Variants in GSK3B observed in about 807,000 individuals in gnomAD.
The protein encoded by GSK3B is glycogen synthase kinase-3 beta.
In GSK3B, 15 loss-of-function variants were observed where a neutral mutation model predicts 56.4. The observed-to-expected ratio is 0.27, with a 90% CI of 0.18 to 0.41. The LOEUF (loss-of-function observed/expected upper bound fraction) is 0.41, where lower values mean the gene tolerates loss of function less well. GSK3B is among the 10% of genes least tolerant of loss of function. GSK3B has a pLI of 1.00. For missense variants in GSK3B, 300 were observed against 513.4 expected, an observed-to-expected ratio of 0.58 and a Z score of 4.02; for synonymous variants, 181 against 188.9, an observed-to-expected ratio of 0.96 and a Z score of 0.34.
intron 2 of GSK3B, 91 bp downstream of exon 2, chr3:120,001,955 T>A: frequency 1.2e-6 from 1 of 832,648 alleles, no homozygotes; most frequent in Non-Finnish European, 1.8e-6. Context: ...ATAGAAGAAA[T>A]TTGAAGCAAA....
chr3:119,956,498 A>G (rs2057216326), intron 2 of GSK3B, among the ~76,000 whole-genome samples: 1 of 152,200 alleles, frequency 6.6e-6, no homozygotes, highest in Admixed American at 6.5e-5. Context: ...CCAAAATTCA[A>G]AATGCTCCAA....
At chr3:120,041,835 A>G (rs2058067124) in intron 1 of GSK3B, among the ~76,000 whole-genome samples, 1 of 152,238 alleles carries the variant, frequency 6.6e-6, no homozygotes, top group Non-Finnish European at 1.5e-5. Flanking sequence ...AGACGCTCTT[A>G]AAGAAATAGA....
intron 3 of GSK3B, among the ~76,000 whole-genome samples, chr3:119,938,288 T>C (rs2057015401): frequency 6.6e-6 from 1 of 151,980 alleles, no homozygotes; most frequent in Non-Finnish European, 1.5e-5. Context: ...AAGGCAAGCA[T>C]TACCCTATAC....
rs569941228 is a variant in GSK3B at position 119,952,949 on chromosome 3, A to G, written c.283-5598T>C. Among the ~76,000 whole-genome samples, 10 of 152,266 alleles carry G rather than the reference A, an allele frequency of 6.6e-5. No homozygotes were observed. In the South Asian group the frequency reaches 1.9e-3, roughly 28 times the overall value. ...ATATTAAATATAAATGAGAAAATAT[A>G]AAAGACTATAGATATATTTTTATTT... On this transcript the variant is annotated intron_variant, in intron 2 of 10. Coordinates refer to ENST00000264235, the MANE Select transcript of GSK3B (RefSeq NM_001146156.2).
intron 1 of GSK3B, among the ~76,000 whole-genome samples, chr3:120,073,086 C>T (rs538855856): frequency 6.6e-6 from 1 of 152,116 alleles, no homozygotes; most frequent in Non-Finnish European, 1.5e-5. Context: ...GATTCAGTTT[C>T]ATCTGTTAAA....
At chr3:120,085,133 A>G in intron 1 of GSK3B, among the ~76,000 whole-genome samples, 1 of 152,312 alleles carries the variant, frequency 6.6e-6, no homozygotes, top group Middle Eastern at 3.4e-3. Flanking sequence ...AGTAAATTAC[A>G]TTTTTTAAAA....
chr3:119,825,496 A>AAT lies in GSK3B; in HGVS notation c.*1290_*1291dup. ...GTAGACAAAAAAAAAGGCAGTATTG[A>AAT]ATATATGTATATATAACATATATAC... On this transcript the variant is annotated 3_prime_UTR_variant, in exon 11 of 11. Transcript: ENST00000264235. The AAT allele has an allele frequency of 4.4e-6, 1 of 228,030 alleles. No individual in the cohort carries two copies. Among genetic ancestry groups the AAT allele is most frequent in the Non-Finnish European group, 8.7e-6 (1 of 114,938 alleles). The allele number at this position is 228,030 out of a possible 1,614,324, so 14.1% of individuals were successfully genotyped here. A position where few individuals can be genotyped will look rare whatever the true frequency, so the allele number is the denominator to read the frequency against.
rs545306629 is a variant in GSK3B at position 119,977,166 on chromosome 3, T to A, written c.282+24880A>T. On this transcript the variant is annotated intron_variant, in intron 2 of 10. Transcript: ENST00000264235. Reference sequence around the variant, plus strand: ...TTCCCTGAAAATTCCATTAAAATTTTAAAAATGTATTTAACCTACCTAGGC... The same window carrying A: ...TTCCCTGAAAATTCCATTAAAATTTAAAAAATGTATTTAACCTACCTAGGC... Among the ~76,000 whole-genome samples the A allele has an allele frequency of 2.1e-4, 32 of 152,322 alleles. 1 individual carries two copies. Among genetic ancestry groups the A allele is most frequent in the African/African-American group, 7.0e-4 (29 of 41,578 alleles).
rs1414859698 is a variant in GSK3B, at chr3:119,940,100, GTGTGTGTGTT to G, written c.366+7158_366+7167del. ...ACAATTTTCACAGTAACAAAAGTGT[GTGTGTGTGTT>G]TGTGTGTGTGTGTGTGTGTGTGTAT... On this transcript the variant is annotated intron_variant, in intron 3 of 10. Coordinates refer to ENST00000264235, the MANE Select transcript of GSK3B (RefSeq NM_001146156.2). Among the ~76,000 whole-genome samples, 6 of 135,290 alleles carry G rather than the reference GTGTGTGTGTT, an allele frequency of 4.4e-5. No individual in the cohort carries two copies. In the East Asian group the frequency reaches 1.4e-3, roughly 32 times the overall value. 88.8% of individuals were successfully genotyped at this position (135,290 alleles called of 152,430 possible).
In GSK3B at chr3:119,905,797, A is replaced by G. The variant is rs1166690389; in HGVS notation, c.771T>C (p.Phe257=). The change falls in exon 7 of 11, where the codon TTT becomes TTC. Residue 257 remains phenylalanine (F), a synonymous_variant. Transcript: ENST00000264235. ...ACTGATCCACACCACTATCCCCTGG[A>G]AATATTGGTTGTCCTAGTAACAGCT... is the stretch of plus-strand genomic sequence containing the variant. ...LAELLLGQPI[F]PGDSGVDQLV... is the part of the protein sequence containing the mutation. 3 of 1,605,002 alleles carry G rather than the reference A, an allele frequency of 1.9e-6. No individual in the cohort carries two copies. Among genetic ancestry groups the G allele is most frequent in the Middle Eastern group, 1.7e-4 (1 of 6,052 alleles).
intron 1 of GSK3B, among the ~76,000 whole-genome samples, chr3:120,045,997 T>C (rs187007056): frequency 2.0e-5 from 3 of 152,168 alleles, no homozygotes; most frequent in Admixed American, 6.5e-5. Context: ...ACATACTGTA[T>C]GATTCCAACT....
intron 2 of GSK3B, among the ~76,000 whole-genome samples, chr3:119,960,151 CAAAAAAAAA>C (rs574956694): frequency 5.4e-5 from 4 of 74,642 alleles, no homozygotes; most frequent in Non-Finnish European, 7.4e-5. Context: ...TATGCTGAGA[CAAAAAAAAA>C]AAAAAAAAAA....
chr3:119,983,280 T>C (rs1012977472), intron 2 of GSK3B, among the ~76,000 whole-genome samples: 1 of 152,116 alleles, frequency 6.6e-6, no homozygotes, highest in Non-Finnish European at 1.5e-5. Flanking sequence ...ACTGATGCTA[T>C]GAAGAAACTG....
At chr3:119,840,298 C>T (rs1024944684) in intron 10 of GSK3B, among the ~76,000 whole-genome samples, 3 of 151,106 alleles carry the variant, frequency 2.0e-5, no homozygotes, top group Non-Finnish European at 2.9e-5. Flanking sequence ...AATCTCGGCT[C>T]ATTGCAACCT....
At chr3:120,085,216 C>T (rs1474889635) in intron 1 of GSK3B, among the ~76,000 whole-genome samples, 1 of 152,140 alleles carries the variant, frequency 6.6e-6, no homozygotes, top group African/African-American at 2.4e-5. Context: ...GCCGTTATTA[C>T]CATATATTAT....
At chr3:120,023,075 T>G (rs897817851) in intron 1 of GSK3B, among the ~76,000 whole-genome samples, 6 of 152,118 alleles carry the variant, frequency 3.9e-5, no homozygotes, top group African/African-American at 7.2e-5. Flanking sequence ...CTTTGTCATC[T>G]CCTACTGTTA....
chr3:120,069,663 TG>T (rs1356231355), intron 1 of GSK3B, among the ~76,000 whole-genome samples: 1 of 101,484 alleles, frequency 9.9e-6, no homozygotes, highest in Non-Finnish European at 1.7e-5. Flanking sequence ...AAACAGTTTT[TG>T]GAAAAAAAAA....
intron 3 of GSK3B, among the ~76,000 whole-genome samples, chr3:119,943,826 GAGAA>G (rs1259434370): frequency 2.0e-5 from 3 of 151,642 alleles, no homozygotes; most frequent in African/African-American, 7.3e-5. Context: ...ACAGAGAAAA[GAGAA>G]AGAGTTATAT....
At chr3:119,854,105 T>G (rs1301060618) in intron 9 of GSK3B, among the ~76,000 whole-genome samples, 1 of 152,152 alleles carries the variant, frequency 6.6e-6, no homozygotes, top group Non-Finnish European at 1.5e-5. Flanking sequence ...CAATACCTAG[T>G]TTATTGAGAG....
Sources: gnomAD v4.1 joint callset for allele counts (sites outside exome capture counted in the v4.1 genomes callset) on GRCh38, gnomAD v4.1.1 for gene constraint, MANE v1.5 for transcripts, NCBI Gene and HGNC (gene_info 2026-07-23, HGNC 2026-07-21) for gene names.